The following RB1 variants were observed in gnomAD, a reference collection of about 807,000 sequenced individuals.
RB1 encodes the protein RB transcriptional corepressor 1, also known as retinoblastoma-associated protein.
A neutral mutation model predicts 135.4 loss-of-function variants in RB1; 18 were observed. The ratio of observed to expected loss-of-function variants is 0.13; its 90% CI spans 0.09 to 0.20. The LOEUF (loss-of-function observed/expected upper bound fraction) is 0.20, where lower values mean the gene tolerates loss of function less well. Ranked by LOEUF, RB1 falls within the 10% of genes least tolerant of loss-of-function variation. RB1 has a pLI of 1.00. For missense variants in RB1, 868 were observed against 1,110.0 expected, an observed-to-expected ratio of 0.78 and a Z score of 3.10; for synonymous variants, 365 against 373.2, an observed-to-expected ratio of 0.98 and a Z score of 0.25.
chr13:48,317,982 T>G, intron 2 of RB1: 1 of 470,840 alleles, frequency 2.1e-6, no homozygotes, highest in South Asian at 1.9e-5. Context: ...TACAGTTCGA[T>G]GCTCTCGTCA....
Position 48,324,125 on chromosome 13 carries a change from G to A in RB1, c.264+16719G>A, listed in dbSNP as rs570761437. Among the ~76,000 whole-genome samples, 418 of 152,174 alleles carry A rather than the reference G, an allele frequency of 2.7e-3. 3 individuals carry two copies. Among genetic ancestry groups the A allele is most frequent in the Non-Finnish European group, 3.4e-3 (233 of 67,966 alleles). Reference sequence around the variant, plus strand: ...GGATACATGTGATGTTTTGATACAAGCATATAATGTGTAATGACCAAATCA... The same window carrying A: ...GGATACATGTGATGTTTTGATACAAACATATAATGTGTAATGACCAAATCA... On this transcript the variant is annotated intron_variant, in intron 2 of 26. Coordinates refer to ENST00000267163, the MANE Select transcript of RB1 (RefSeq NM_000321.3).
intron 17 of RB1, among the ~76,000 whole-genome samples, chr13:48,413,446 A>G (rs1281327249): frequency 6.6e-6 from 1 of 152,244 alleles, no homozygotes; most frequent in Non-Finnish European, 1.5e-5. Context: ...GGATATGACA[A>G]TTTAGAAAAG....
At chr13:48,399,013 C>T (rs555715195) in intron 17 of RB1, among the ~76,000 whole-genome samples, 15 of 152,002 alleles carry the variant, frequency 9.9e-5, no homozygotes, top group Non-Finnish European at 1.6e-4. Context: ...AATGAGCAAA[C>T]TATATTATAA....
rs1322976990 is a variant in RB1 at position 48,342,478 on chromosome 13, G to T, written c.265-121G>T. On this transcript the variant is annotated intron_variant, in intron 2 of 26. Transcript: ENST00000267163. ...CAGAAGGATGTGTTACAAATATACA[G>T]TATTACAAACATTTATTTTGTATGC... 4.4e-6 allele frequency: 3 copies of T among 674,220 alleles called. No homozygotes were observed. The African/African-American group carries it at 5.4e-5, about 12-fold the overall frequency. 41.8% of individuals were successfully genotyped at this position (674,220 alleles called of 1,614,324 possible).
chr13:48,400,493 A>G (rs1948682297), intron 17 of RB1, among the ~76,000 whole-genome samples: 1 of 152,000 alleles, frequency 6.6e-6, no homozygotes, highest in Non-Finnish European at 1.5e-5. Context: ...TTATTTGCTC[A>G]TGTTTTATCT....
At chr13:48,368,412 G>T in intron 10 of RB1, 115 bp from the exon 11 acceptor site, 1 of 1,356,768 alleles carries the variant, frequency 7.4e-7, no homozygotes. Flanking sequence ...CTATTATTGA[G>T]TTATCATTTT....
intron 17 of RB1, among the ~76,000 whole-genome samples, chr13:48,389,412 C>T (rs768905487): frequency 1.3e-5 from 2 of 151,862 alleles, no homozygotes; most frequent in African/African-American, 2.4e-5. Flanking sequence ...AAAGTTTTGC[C>T]TGTGAAGAGA....
intron 2 of RB1, among the ~76,000 whole-genome samples, chr13:48,324,369 A>G (rs1566180679): frequency 6.6e-6 from 1 of 151,172 alleles, no homozygotes; most frequent in Non-Finnish European, 1.5e-5. Context: ...TTATCCTCCC[A>G]TCCCCACTAC....
At chr13:48,410,761 G>A (rs1948787235) in intron 17 of RB1, among the ~76,000 whole-genome samples, 1 of 152,054 alleles carries the variant, frequency 6.6e-6, no homozygotes, top group Non-Finnish European at 1.5e-5. Flanking sequence ...CATATAGATA[G>A]CATCTGCTTT....
intron 21 of RB1, among the ~76,000 whole-genome samples, chr13:48,464,292 C>T (rs1302456537): frequency 1.3e-5 from 2 of 152,140 alleles, no homozygotes; most frequent in Non-Finnish European, 2.9e-5. Context: ...TGGTATGACA[C>T]ATTTCATATT....
At chr13:48,348,590 A>G (rs1392379723) in intron 5 of RB1, among the ~76,000 whole-genome samples, 2 of 151,656 alleles carry the variant, frequency 1.3e-5, no homozygotes, top group African/African-American at 2.4e-5. Context: ...ATAACATACT[A>G]TGTTTTTTAT....
chr13:48,365,025 G>A lies in RB1; in HGVS notation c.939+54G>A, dbSNP rs1256794482. 1.1e-5 allele frequency: 16 copies of A among 1,508,178 alleles called. No homozygotes were observed. The East Asian group carries it at 3.5e-4, about 33-fold the overall frequency. The allele number at this position is 1,508,178 out of a possible 1,614,324, so 93.4% of individuals were successfully genotyped here. On this transcript the variant is annotated intron_variant, in intron 9 of 26. Coordinates refer to ENST00000267163, the MANE Select transcript of RB1 (RefSeq NM_000321.3). ...TTAATGTTTTGAGACTGTGGAGGGA[G>A]GATAATTGTCTAACTTTCTTAGATC...
chr13:48,344,099 G>A (rs914192578), intron 3 of RB1, among the ~76,000 whole-genome samples: 3 of 152,172 alleles, frequency 2.0e-5, no homozygotes, highest in Non-Finnish European at 4.4e-5. Flanking sequence ...TTAGAAATTA[G>A]CATGTGAGAT....
In RB1 at chr13:48,480,076, C is replaced by T; in HGVS notation, c.*5C>T. 6.2e-7 allele frequency: 1 copy of T among 1,608,342 alleles called. No homozygotes were observed. ...TCAAACAAGGAAGAGAAATGAGGAT[C>T]TCAGGACCTTGGTGGACACTGTGTA... is the stretch of plus-strand genomic sequence containing the variant. On this transcript the variant is annotated 3_prime_UTR_variant, in exon 27 of 27. Transcript: ENST00000267163.
Position 48,322,007 on chromosome 13 carries a change from G to T in RB1, c.264+14601G>T, listed in dbSNP as rs148599349. Among the ~76,000 whole-genome samples, 905 of 152,160 alleles carry T rather than the reference G, an allele frequency of 5.9e-3. 12 individuals are homozygous for T. Among genetic ancestry groups the T allele is most frequent in the African/African-American group, 0.021 (863 of 41,496 alleles). ...TGTAAATATTTTCTCCCATTCTGAG[G>T]GTTGTCTCTTTTCTCTGTTGATTAT... On this transcript the variant is annotated intron_variant, in intron 2 of 26. Coordinates refer to ENST00000267163, the MANE Select transcript of RB1 (RefSeq NM_000321.3).
intron 13 of RB1, among the ~76,000 whole-genome samples, chr13:48,378,291 C>G (rs556121329): frequency 1.9e-4 from 29 of 152,248 alleles, no homozygotes; most frequent in Non-Finnish European, 3.7e-4. Context: ...ACACCTTATA[C>G]AGCTGTACAA....
rs2138142977 is a variant in RB1, at chr13:48,380,205, G to A, written c.1462G>A (p.Ala488Thr). The change falls in exon 16 of 27, where the codon GCG becomes ACG. Residue 488 changes from alanine to threonine, a missense_variant. This residue lies in a region of RB1 where 641 missense variants were observed against 791.3 expected (regional missense o/e 0.81). Transcript: ENST00000267163. ...CAACATTTTTCATATGTCTTTATTGGCGTGCGCTCTTGAGGTTGTAATGGC... is the reference window on the plus strand; with the variant it reads ...CAACATTTTTCATATGTCTTTATTGACGTGCGCTCTTGAGGTTGTAATGGC... ...NDNIFHMSLL[A>T]CALEVVMATY... 1 of 1,605,286 alleles carries A rather than the reference G, an allele frequency of 6.2e-7. No individual in the cohort carries two copies. Among genetic ancestry groups the A allele is most frequent in the Non-Finnish European group, 8.5e-7 (1 of 1,175,598 alleles).
intron 1 of RB1, 36 bp downstream of exon 1, chr13:48,304,085 A>G: frequency 1.4e-6 from 2 of 1,388,122 alleles, no homozygotes; most frequent in Non-Finnish European, 1.9e-6. Context: ...TCACGCGGGA[A>G]GGGCGCCCCG....
chr13:48,410,818 G>A (rs1566210454), intron 17 of RB1, among the ~76,000 whole-genome samples: 1 of 152,078 alleles, frequency 6.6e-6, no homozygotes, highest in Non-Finnish European at 1.5e-5. Context: ...TTATCAATGT[G>A]TTACTGCTCA....
Sources: gnomAD v4.1 joint callset for allele counts (sites outside exome capture counted in the v4.1 genomes callset) on GRCh38, gnomAD v4.1.1 for gene constraint, gnomAD v4.1.1 regional missense constraint, MANE v1.5 for transcripts, NCBI Gene and HGNC (gene_info 2026-07-23, HGNC 2026-07-21) for gene names.